ARAP2: variants seen among roughly 807,000 people sequenced by gnomAD.
The protein encoded by ARAP2 is ArfGAP with RhoGAP domain, ankyrin repeat and PH domain 2, also known as arf-GAP with Rho-GAP domain, ANK repeat and PH domain-containing protein 2.
A neutral mutation model predicts 194.5 loss-of-function variants in ARAP2; 148 were observed. That is an observed-to-expected ratio of 0.76 (90% CI 0.67 to 0.87). The LOEUF (loss-of-function observed/expected upper bound fraction) is 0.87, where lower values mean the gene tolerates loss of function less well. Ranked by LOEUF, ARAP2 falls within the 40% of genes least tolerant of loss-of-function variation. The probability of loss-of-function intolerance (pLI) is 0.00; values close to 1 mark genes in which losing one functional copy is unlikely to be tolerated. For synonymous variants in ARAP2, 695 were observed against 683.5 expected (o/e 1.02, Z -0.26); for missense variants, 2,128 against 1,989.7 (o/e 1.07, Z -1.32).
rs1553861835 is a variant in ARAP2 at position 36,014,295 on chromosome 4, A to AAGAAGAGAAG, written n.1056+1081_1056+1090dup. Among the ~76,000 whole-genome samples, 67 of 143,348 alleles carry AAGAAGAGAAG rather than the reference A, an allele frequency of 4.7e-4. 2 individuals carry two copies. Among genetic ancestry groups the AAGAAGAGAAG allele is most frequent in the African/African-American group, 1.8e-3 (65 of 36,728 alleles). The allele number at this position is 143,348 out of a possible 152,430, so 94.0% of individuals were successfully genotyped here. On this transcript the variant is annotated intron_variant and non_coding_transcript_variant, in intron 8 of 12. Transcript: ENST00000503225. Reference sequence around the variant, plus strand: ...AAAGAAAGAAAGAAAGAAAGAAAGAAAGAAGAGAAGGAAGGAAAGAAAGAA... The same window carrying AAGAAGAGAAG: ...AAAGAAAGAAAGAAAGAAAGAAAGAAAGAAGAGAAGAGAAGAGAAGGAAGGAAAGAAAGAA...
At chr4:36,148,718 A>G (rs6856835) in intron 16 of ARAP2, among the ~76,000 whole-genome samples, 1,574 of 152,264 alleles carry the variant, frequency 0.01, 34 homozygotes, top group African/African-American at 0.036. Flanking sequence ...TTGTATAATC[A>G]TTTAATCATT....
intron 15 of ARAP2, chr4:36,157,558 AATG>A (rs760134887): frequency 7.9e-5 from 12 of 152,330 alleles, no homozygotes; most frequent in African/African-American, 2.6e-4. Flanking sequence ...CTCCTGTAAC[AATG>A]ATAACACAAA....
At chr4:36,154,282 G>A (rs941664242) in intron 15 of ARAP2, among the ~76,000 whole-genome samples, 4 of 152,108 alleles carry the variant, frequency 2.6e-5, no homozygotes, top group Non-Finnish European at 4.4e-5. Flanking sequence ...AGATACATTA[G>A]TAATCCTTTT....
intron 5 of ARAP2, among the ~76,000 whole-genome samples, chr4:36,027,874 G>A (rs1374890791): frequency 2.0e-5 from 3 of 152,140 alleles, no homozygotes; most frequent in Admixed American, 1.3e-4. Context: ...TTAAGTGAGG[G>A]TGCCTTTTAA....
chr4:36,214,208 A>G (rs1324775800), intron 3 of ARAP2, among the ~76,000 whole-genome samples: 1 of 152,196 alleles, frequency 6.6e-6, no homozygotes, highest in Non-Finnish European at 1.5e-5. Flanking sequence ...AACTTCTTAC[A>G]TTAGCATGTA....
chr4:36,232,973 T>C (rs1176595421), intron 1 of ARAP2, among the ~76,000 whole-genome samples: 2 of 152,178 alleles, frequency 1.3e-5, no homozygotes, highest in Non-Finnish European at 2.9e-5. Context: ...AAGAAAGATA[T>C]ACCAGAAGCT....
At chr4:36,069,919 T>C (rs1363906912) in intron 32 of ARAP2, among the ~76,000 whole-genome samples, 2 of 152,048 alleles carry the variant, frequency 1.3e-5, no homozygotes, top group African/African-American at 4.8e-5. Context: ...CCTTTAAAAG[T>C]GTGTAGCACC....
chr4:36,188,317 A>T (rs1741028039), intron 7 of ARAP2, among the ~76,000 whole-genome samples: 1 of 152,178 alleles, frequency 6.6e-6, no homozygotes, highest in Non-Finnish European at 1.5e-5. Flanking sequence ...CAGAGTGCTT[A>T]TACTTTCAAG....
chr4:36,181,119 A>T (rs1427455368), intron 8 of ARAP2, among the ~76,000 whole-genome samples: 1 of 152,216 alleles, frequency 6.6e-6, no homozygotes, highest in Non-Finnish European at 1.5e-5. Context: ...GATACTTCTT[A>T]TTCTTACCGA....
chr4:36,215,849 C>CA (rs5857478), intron 2 of ARAP2, among the ~76,000 whole-genome samples: 33 of 150,760 alleles, frequency 2.2e-4, no homozygotes, highest in African/African-American at 5.1e-4. Context: ...GACTTTGTCT[C>CA]AAAAAAAAAA....
At chr4:36,126,429 T>G (rs772788272) in intron 21 of ARAP2, among the ~76,000 whole-genome samples, 1 of 151,950 alleles carries the variant, frequency 6.6e-6, no homozygotes, top group Non-Finnish European at 1.5e-5. Context: ...GAAAATACAA[T>G]GAGCAATTCA....
At chr4:36,061,959 G>T (rs112603293), downstream of ARAP2, among the ~76,000 whole-genome samples, 48 of 152,218 alleles carry the variant, frequency 3.2e-4, 1 homozygote, top group African/African-American at 1.1e-3. Flanking sequence ...TTTAAGAAGG[G>T]TATATTCAAA....
chr4:36,045,203 T>C (rs913756600), intron 5 of ARAP2, among the ~76,000 whole-genome samples: 1 of 152,120 alleles, frequency 6.6e-6, no homozygotes. Flanking sequence ...TATATCCAAA[T>C]AAATTGACAT....
chr4:36,206,784 AC>A (rs1340478891), intron 6 of ARAP2, among the ~76,000 whole-genome samples: 1 of 152,222 alleles, frequency 6.6e-6, no homozygotes, highest in African/African-American at 2.4e-5. Context: ...CCAAGTGCTG[AC>A]TTAACCTCAC....
chr4:36,151,729 G>T (rs6829275), intron 15 of ARAP2, among the ~76,000 whole-genome samples: 90,076 of 151,890 alleles, frequency 0.59, 27,353 homozygotes, highest in East Asian at 0.84. Flanking sequence ...TATCATGTCT[G>T]CAACTTACTT....
chr4:36,092,335 C>T (rs758255694), intron 27 of ARAP2, among the ~76,000 whole-genome samples: 40 of 152,080 alleles, frequency 2.6e-4, no homozygotes, highest in Admixed American at 4.6e-4. Context: ...ATCGGCTGGG[C>T]GCAGTGGCTC....
At chr4:36,158,245 T>C (rs750944347) in intron 15 of ARAP2, among the ~76,000 whole-genome samples, 1 of 152,120 alleles carries the variant, frequency 6.6e-6, no homozygotes, top group Non-Finnish European at 1.5e-5. Flanking sequence ...TCCCATCATT[T>C]TTTGAAACCA....
At chr4:36,184,618 G>A (rs1259580888) in intron 8 of ARAP2, among the ~76,000 whole-genome samples, 3 of 152,076 alleles carry the variant, frequency 2.0e-5, no homozygotes, top group Admixed American at 1.3e-4. Context: ...TAAATAAAAC[G>A]TGTCTGTTTA....
intron 27 of ARAP2, among the ~76,000 whole-genome samples, chr4:36,096,133 G>C (rs1193800623): frequency 6.6e-6 from 1 of 152,036 alleles, no homozygotes; most frequent in African/African-American, 2.4e-5. Context: ...GGAGGATGGG[G>C]CAGGTGGATC....
Sources: gnomAD v4.1 joint callset for allele counts (sites outside exome capture counted in the v4.1 genomes callset) on GRCh38, gnomAD v4.1.1 for gene constraint, MANE v1.5 for transcripts, NCBI Gene and HGNC (gene_info 2026-07-23, HGNC 2026-07-21) for gene names.